The following GPHN variants were observed in gnomAD, a reference collection of about 807,000 sequenced individuals.
The protein encoded by GPHN is gephyrin.
GPHN carries 17 observed loss-of-function variants against 95.5 expected under a neutral mutation model. The observed-to-expected ratio is 0.18, with a 90% CI of 0.12 to 0.27. GPHN has a LOEUF of 0.27. Among genes scored for constraint, GPHN ranks in the 10% least tolerant of loss-of-function variants. The pLI, the probability that GPHN is intolerant of heterozygous loss-of-function variation, is 1.00. For missense variants in GPHN, 660 were observed against 978.1 expected, an observed-to-expected ratio of 0.67 and a Z score of 4.34; for synonymous variants, 320 against 322.5, an observed-to-expected ratio of 0.99 and a Z score of 0.08.
At chr14:67,343,942 T>C in the GPHN span, among the ~76,000 whole-genome samples, 13 of 152,334 alleles carry the variant, frequency 8.5e-5, no homozygotes, top group South Asian at 2.7e-3. Flanking sequence ...CATGTCACAT[T>C]TGGTAGGTTT....
chr14:67,304,482 A>G, the GPHN span, among the ~76,000 whole-genome samples: 2 of 152,222 alleles, frequency 1.3e-5, no homozygotes, highest in Admixed American at 6.5e-5. Flanking sequence ...CAGTACTGAT[A>G]TATGCTACAA....
the GPHN span, among the ~76,000 whole-genome samples, chr14:67,722,073 A>G: frequency 3.9e-5 from 6 of 152,098 alleles, no homozygotes; most frequent in East Asian, 5.8e-4. Flanking sequence ...AGAGCAGAGC[A>G]CTCTCAGCCC....
the GPHN span, chr14:67,692,895 C>G: frequency 1.5e-5 from 20 of 1,332,138 alleles, no homozygotes; most frequent in Non-Finnish European, 2.0e-5. Context: ...AGGGGTAAAA[C>G]AGCAGTAATA....
chr14:67,392,900 G>A, the GPHN span: 1 of 1,467,338 alleles, frequency 6.8e-7, no homozygotes, highest in Non-Finnish European at 9.3e-7. Flanking sequence ...CAGCGTCCTT[G>A]GGGTGTGTGG....
chr14:66,878,570 C>G (rs2063779293), intron 4 of GPHN, among the ~76,000 whole-genome samples: 1 of 152,182 alleles, frequency 6.6e-6, no homozygotes, highest in South Asian at 2.1e-4. Flanking sequence ...ACAGACACTT[C>G]TCAAAACGAA....
At chr14:67,328,030 T>C in the GPHN span, among the ~76,000 whole-genome samples, 1 of 152,238 alleles carries the variant, frequency 6.6e-6, no homozygotes, top group Non-Finnish European at 1.5e-5. Context: ...ATGGTATTTC[T>C]AGTTCTAGAT....
chr14:67,074,462 T>C (rs527245602), intron 11 of GPHN, among the ~76,000 whole-genome samples: 4 of 152,294 alleles, frequency 2.6e-5, no homozygotes, highest in Admixed American at 2.0e-4. Flanking sequence ...CTGACTGTTT[T>C]GCCAATTGGC....
the GPHN span, among the ~76,000 whole-genome samples, chr14:67,296,932 G>A: frequency 6.6e-6 from 1 of 152,168 alleles, no homozygotes; most frequent in African/African-American, 2.4e-5. Flanking sequence ...TGGGATTACA[G>A]GCGTGAGCCA....
At chr14:67,418,995 C>T in the GPHN span, among the ~76,000 whole-genome samples, 1 of 152,148 alleles carries the variant, frequency 6.6e-6, no homozygotes, top group African/African-American at 2.4e-5. Flanking sequence ...CCCCCTAGAA[C>T]TCAGCCTGGA....
intron 3 of GPHN, among the ~76,000 whole-genome samples, chr14:66,780,089 A>T (rs1034006361): frequency 1.3e-5 from 2 of 152,190 alleles, no homozygotes; most frequent in Non-Finnish European, 1.5e-5. Context: ...GGGAAATTGG[A>T]AAGATTGACT....
chr14:66,627,073 A>G (rs2063553723), intron 1 of GPHN, among the ~76,000 whole-genome samples: 4 of 152,008 alleles, frequency 2.6e-5, no homozygotes, highest in Non-Finnish European at 5.9e-5. Context: ...GAGGATAGAT[A>G]GCAATATATG....
chr14:67,184,278 T>C (rs1264568653), downstream of GPHN, among the ~76,000 whole-genome samples: 1 of 152,234 alleles, frequency 6.6e-6, no homozygotes, highest in Non-Finnish European at 1.5e-5. Context: ...TCTAGATTTA[T>C]TCTAGAGACA....
the GPHN span, among the ~76,000 whole-genome samples, chr14:67,369,166 A>G: frequency 6.6e-6 from 1 of 152,266 alleles, no homozygotes; most frequent in Non-Finnish European, 1.5e-5. Context: ...CTTGGTTGAA[A>G]ATAAATGGAT....
At chr14:66,885,888 G>T (rs2064166717) in intron 5 of GPHN, among the ~76,000 whole-genome samples, 1 of 145,828 alleles carries the variant, frequency 6.9e-6, no homozygotes, top group African/African-American at 2.5e-5. Context: ...CTGATTTCTA[G>T]AATTACCATA....
intron 17 of GPHN, among the ~76,000 whole-genome samples, chr14:67,131,991 G>A (rs2079749012): frequency 6.6e-6 from 1 of 152,242 alleles, no homozygotes; most frequent in South Asian, 2.1e-4. Context: ...TCCCCCTTCT[G>A]GAAAATTGCC....
intron 1 of GPHN, among the ~76,000 whole-genome samples, chr14:66,602,029 G>A (rs923452764): frequency 1.3e-5 from 2 of 151,924 alleles, no homozygotes; most frequent in South Asian, 4.1e-4. Context: ...AAACTTACCT[G>A]TGTATGATCT....
chr14:66,987,403 C>T (rs1450027752), intron 9 of GPHN, among the ~76,000 whole-genome samples: 1 of 152,020 alleles, frequency 6.6e-6, no homozygotes, highest in Non-Finnish European at 1.5e-5. Context: ...GCAGTTATCT[C>T]CGAGTTCAAC....
chr14:66,962,875 G>A (rs2069051095), intron 8 of GPHN, among the ~76,000 whole-genome samples: 1 of 151,400 alleles, frequency 6.6e-6, no homozygotes, highest in Non-Finnish European at 1.5e-5. Flanking sequence ...TTCCAAACCA[G>A]AATGCTTTTG....
At chr14:67,061,132 C>T (rs2153650952) in intron 11 of GPHN, among the ~76,000 whole-genome samples, 1 of 152,192 alleles carries the variant, frequency 6.6e-6, no homozygotes, top group East Asian at 1.9e-4. Flanking sequence ...ACCTCCACTT[C>T]CCAGGTTCAA....
Sources: gnomAD v4.1 joint callset for allele counts (sites outside exome capture counted in the v4.1 genomes callset) on GRCh38, gnomAD v4.1.1 for gene constraint, MANE v1.5 for transcripts, NCBI Gene and HGNC (gene_info 2026-07-23, HGNC 2026-07-21) for gene names.